The following SLIT2 variants were observed in gnomAD, a reference collection of about 807,000 sequenced individuals.
SLIT2 encodes the protein slit guidance ligand 2.
Under a neutral mutation model 185.7 loss-of-function variants are expected in SLIT2, and 41 were observed. The ratio of observed to expected loss-of-function variants is 0.22; its 90% CI spans 0.17 to 0.29. The LOEUF is 0.29. Among genes scored for constraint, SLIT2 ranks in the 10% least tolerant of loss-of-function variants. SLIT2 has a pLI of 1.00. For synonymous variants in SLIT2, 693 were observed against 680.2 expected, an observed-to-expected ratio of 1.02 and a Z score of -0.29; for missense variants, 1,571 against 1,909.0, an observed-to-expected ratio of 0.82 and a Z score of 3.30.
At chr4:20,550,937 C>T (rs2148891363) in intron 25 of SLIT2, 39 bp downstream of exon 25, 1 of 1,138,984 alleles carries the variant, frequency 8.8e-7, no homozygotes. Flanking sequence ...TAGGGTCAAA[C>T]ACTTCCTAAT....
intron 17 of SLIT2, among the ~76,000 whole-genome samples, chr4:20,532,450 A>G (rs1721894158): frequency 6.6e-6 from 1 of 152,060 alleles, no homozygotes; most frequent in Non-Finnish European, 1.5e-5. Flanking sequence ...CTTTCATTAG[A>G]AGATAGTCAA....
At chr4:20,319,066 A>G (rs1377149459) in intron 4 of SLIT2, among the ~76,000 whole-genome samples, 1 of 152,180 alleles carries the variant, frequency 6.6e-6, no homozygotes, top group Non-Finnish European at 1.5e-5. Flanking sequence ...TCTGTCACCA[A>G]GCTTGGTTCA....
In SLIT2 at chr4:20,533,638, T is replaced by C. The variant is rs1046031790; in HGVS notation, c.1755T>C (p.Asn585=). The part of the protein sequence containing the change: ...EGAFEGASGV[N]EILLTSNRLE... The stretch of plus-strand genomic sequence containing the variant: ...CATTTGAAGGAGCATCTGGTGTAAA[T>C]GAAATACTTCTTACGAGTAATCGTT... Residue 585 remains asparagine, a synonymous_variant, in exon 18 of 37, where the codon AAT becomes AAC. Transcript: ENST00000504154. 6.2e-7 allele frequency: 1 copy of C among 1,612,262 alleles called. No individual in the cohort carries two copies.
Position 20,496,780 on chromosome 4 carries a change from T to C in SLIT2, c.914+4881T>C, listed in dbSNP as rs553150189. On this transcript the variant is annotated intron_variant, in intron 9 of 36. Transcript: ENST00000504154. Reference sequence around the variant, plus strand: ...ATAGTAGGCACTTGATAAATATTTATTGGGTAAATGGAATAATTTAAAAAT... The same window carrying C: ...ATAGTAGGCACTTGATAAATATTTACTGGGTAAATGGAATAATTTAAAAAT... Among the ~76,000 whole-genome samples, 17 of 152,286 alleles carry C rather than the reference T, an allele frequency of 1.1e-4. No homozygotes were observed. The South Asian group carries it at 3.5e-3, about 32-fold the overall frequency.
Position 20,528,806 on chromosome 4 carries a change from C to T in SLIT2, c.1463-143C>T. ...ATTCCAAGCCTTTCTTTTAACCTTT[C>T]TCCTGACATCCATTGACCAAAATAC... On this transcript the variant is annotated intron_variant, in intron 15 of 36. Transcript: ENST00000504154. This position sits in a 1 kb window ranked among gnomAD's most constrained non-coding sequence, Gnocchi z 4.2. 3.5e-6 allele frequency: 2 copies of T among 566,530 alleles called. No homozygotes were observed. The highest frequency in any genetic ancestry group is 6.1e-6 in the Non-Finnish European group (2 of 327,286). 35.1% of individuals were successfully genotyped at this position (566,530 alleles called of 1,614,324 possible).
At chr4:20,440,144 T>C (rs1035504386) in intron 4 of SLIT2, among the ~76,000 whole-genome samples, 13 of 152,100 alleles carry the variant, frequency 8.5e-5, no homozygotes, top group Non-Finnish European at 1.5e-4. Context: ...TTAAATTTGA[T>C]CATATGCTTG....
chr4:20,608,809 C>G (rs894707773), intron 33 of SLIT2, among the ~76,000 whole-genome samples: 1 of 152,114 alleles, frequency 6.6e-6, no homozygotes, highest in Admixed American at 6.5e-5. Context: ...ATATCAGTGC[C>G]TAGAAATTTA....
intron 4 of SLIT2, among the ~76,000 whole-genome samples, chr4:20,434,220 G>C (rs1226369350): frequency 6.6e-6 from 1 of 152,170 alleles, no homozygotes; most frequent in East Asian, 1.9e-4. Flanking sequence ...GGGCGTGGAG[G>C]CTCACACCTG....
intron 4 of SLIT2, among the ~76,000 whole-genome samples, chr4:20,309,222 G>A (rs1393466544): frequency 6.6e-6 from 1 of 152,024 alleles, no homozygotes; most frequent in Non-Finnish European, 1.5e-5. Context: ...TTGCAATAAA[G>A]TTATTTTTAT....
At chr4:20,576,742 T>G (rs1376243406) in intron 29 of SLIT2, among the ~76,000 whole-genome samples, 3 of 152,204 alleles carry the variant, frequency 2.0e-5, no homozygotes, top group Non-Finnish European at 2.9e-5. Context: ...AAAAAAAGTT[T>G]TAAAGATCTT....
At chr4:20,439,288 G>A (rs1463348594) in intron 4 of SLIT2, among the ~76,000 whole-genome samples, 1 of 152,128 alleles carries the variant, frequency 6.6e-6, no homozygotes, top group Non-Finnish European at 1.5e-5. Flanking sequence ...AATAAGCTTT[G>A]TAACTTAAAC....
At chr4:20,300,271 C>T (rs960630478) in intron 4 of SLIT2, among the ~76,000 whole-genome samples, 1 of 151,896 alleles carries the variant, frequency 6.6e-6, no homozygotes, top group Non-Finnish European at 1.5e-5. Context: ...TATTGAATTC[C>T]CATAATTGTT....
At chr4:20,318,880 C>A (rs991198789) in intron 4 of SLIT2, among the ~76,000 whole-genome samples, 2 of 152,296 alleles carry the variant, frequency 1.3e-5, no homozygotes, top group Admixed American at 1.3e-4. Flanking sequence ...GGACTTAGAA[C>A]TAAGGCTTCT....
intron 4 of SLIT2, among the ~76,000 whole-genome samples, chr4:20,411,516 G>T (rs1353108316): frequency 6.6e-6 from 1 of 152,136 alleles, no homozygotes; most frequent in Non-Finnish European, 1.5e-5. Flanking sequence ...TGACACTCTA[G>T]AATCTTGCTG....
At chr4:20,373,732 T>G (rs1560364958) in intron 4 of SLIT2, among the ~76,000 whole-genome samples, 1 of 152,100 alleles carries the variant, frequency 6.6e-6, no homozygotes, top group Non-Finnish European at 1.5e-5. Flanking sequence ...GAAACCCAAT[T>G]GCATATCCTG....
chr4:20,437,175 T>TC (rs940583176), intron 4 of SLIT2, among the ~76,000 whole-genome samples: 3 of 152,052 alleles, frequency 2.0e-5, no homozygotes, highest in Admixed American at 6.5e-5. Context: ...TACCATTGCC[T>TC]CCCCCGCATC....
In SLIT2 at chr4:20,528,201, A is replaced by G. The variant is rs1451619129; in HGVS notation, c.1463-748A>G. On this transcript the variant is annotated intron_variant, in intron 15 of 36. Transcript: ENST00000504154. This position sits in a 1 kb window ranked among gnomAD's most constrained non-coding sequence, Gnocchi z 4.2. Reference sequence around the variant, plus strand: ...GTCATGTAAACAGTATTACGTTTCCAGAACGTCTGTAGCTTTTCTCCTCCT... The same window carrying G: ...GTCATGTAAACAGTATTACGTTTCCGGAACGTCTGTAGCTTTTCTCCTCCT... 1 of 527,474 alleles carries G rather than the reference A, an allele frequency of 1.9e-6. No individual in the cohort carries two copies. Among genetic ancestry groups the G allele is most frequent in the African/African-American group, 1.9e-5 (1 of 51,822 alleles). The allele number at this position is 527,474 out of a possible 1,614,324, so 32.7% of individuals were successfully genotyped here. A position where few individuals can be genotyped will look rare whatever the true frequency, so the allele number is the denominator to read the frequency against.
At chr4:20,342,794 G>A (rs1442567050) in intron 4 of SLIT2, among the ~76,000 whole-genome samples, 2 of 117,398 alleles carry the variant, frequency 1.7e-5, no homozygotes, top group South Asian at 5.8e-4. Context: ...ACAGGCATAA[G>A]CAACAGCAGG....
chr4:20,410,605 G>C (rs1407855928), intron 4 of SLIT2, among the ~76,000 whole-genome samples: 1 of 151,968 alleles, frequency 6.6e-6, no homozygotes, highest in Admixed American at 6.6e-5. Context: ...GTGGTGTAAG[G>C]AAGGGGTCCA....
Sources: allele counts gnomAD v4.1 joint callset (sites outside exome capture counted in the v4.1 genomes callset), GRCh38; gene constraint gnomAD v4.1.1; non-coding constraint Gnocchi (gnomAD v3.1); transcripts MANE v1.5; gene names NCBI Gene and HGNC (gene_info 2026-07-23, HGNC 2026-07-21).